PLXNA4: variants seen among roughly 807,000 people sequenced by gnomAD.
PLXNA4 encodes plexin A4, also known as plexin-A4.
PLXNA4 carries 44 observed loss-of-function variants against 191.8 expected under a neutral mutation model. The observed-to-expected ratio is 0.23, with a 90% CI of 0.18 to 0.29. The LOEUF is 0.29. PLXNA4 is among the 10% of genes least tolerant of loss of function. PLXNA4 has a pLI of 1.00. For missense variants in PLXNA4, 1,800 were observed against 2,488.8 expected (o/e 0.72, Z 5.89); for synonymous variants, 1,082 against 1,009.5 (o/e 1.07, Z -1.36).
intron 9 of PLXNA4, among the ~76,000 whole-genome samples, chr7:132,222,026 C>G (rs1431673364): frequency 5.9e-5 from 9 of 152,160 alleles, no homozygotes; most frequent in African/African-American, 2.2e-4. Flanking sequence ...TCCAAAGGCC[C>G]CAAGTCATTT....
chr7:132,257,301 C>T (rs897409169), intron 4 of PLXNA4, among the ~76,000 whole-genome samples: 4 of 152,204 alleles, frequency 2.6e-5, no homozygotes, highest in Non-Finnish European at 4.4e-5. Flanking sequence ...AATTTCCATT[C>T]AAATATATCT....
At chr7:132,474,685 G>A (rs1797062035) in intron 3 of PLXNA4, among the ~76,000 whole-genome samples, 3 of 152,130 alleles carry the variant, frequency 2.0e-5, no homozygotes, top group African/African-American at 4.8e-5. Flanking sequence ...GAACTGGTTA[G>A]TGCATCTATT....
upstream of PLXNA4, chr7:132,576,663 C>G (rs1485157375): frequency 1.1e-6 from 1 of 925,422 alleles, no homozygotes; most frequent in African/African-American, 1.8e-5. The surrounding 1 kb of genome is among the most constrained non-coding windows in gnomAD (Gnocchi z 5.8). Flanking sequence ...TTGCGGCGTC[C>G]AAGGTGGGCG....
chr7:132,143,284 A>T (rs1041434863), intron 29 of PLXNA4, among the ~76,000 whole-genome samples: 1 of 152,176 alleles, frequency 6.6e-6, no homozygotes, highest in Admixed American at 6.5e-5. Context: ...GGTTGGGGGA[A>T]ACTGTCTACT....
chr7:132,138,572 C>T (rs1490196999), intron 30 of PLXNA4, among the ~76,000 whole-genome samples: 1 of 152,228 alleles, frequency 6.6e-6, no homozygotes, highest in Non-Finnish European at 1.5e-5. Context: ...TTTTCTCGAT[C>T]TATCTGTCTT....
chr7:132,401,090 T>G (rs954057972), intron 3 of PLXNA4, among the ~76,000 whole-genome samples: 2 of 152,092 alleles, frequency 1.3e-5, no homozygotes, highest in African/African-American at 4.8e-5. Flanking sequence ...TATCTACACA[T>G]GTGATAAAAT....
At chr7:132,162,692 G>A (rs932478509) in intron 24 of PLXNA4, among the ~76,000 whole-genome samples, 1 of 152,032 alleles carries the variant, frequency 6.6e-6, no homozygotes. Flanking sequence ...CTCCTTCCAA[G>A]CAGACGGTAA....
At chr7:132,613,830 T>C (rs534719131) in intron 2 of PLXNA4, among the ~76,000 whole-genome samples, 3 of 151,900 alleles carry the variant, frequency 2.0e-5, no homozygotes, top group Non-Finnish European at 4.4e-5. Flanking sequence ...CTGCTAGGAG[T>C]GTATTTTTAA....
At chr7:132,403,188 C>T (rs1794067007) in intron 3 of PLXNA4, among the ~76,000 whole-genome samples, 1 of 152,212 alleles carries the variant, frequency 6.6e-6, no homozygotes. Flanking sequence ...CGGCCCCAGA[C>T]TCAGAGGCCC....
intron 1 of PLXNA4, among the ~76,000 whole-genome samples, chr7:132,537,273 C>G (rs868590161): frequency 6.6e-6 from 1 of 152,218 alleles, no homozygotes; most frequent in Admixed American, 6.5e-5. Context: ...ACCAGACTCC[C>G]CTCTAAGGCA....
chr7:132,378,688 G>GAATGAT (rs1804761937), intron 3 of PLXNA4, among the ~76,000 whole-genome samples: 1 of 152,100 alleles, frequency 6.6e-6, no homozygotes, highest in Non-Finnish European at 1.5e-5. Context: ...AAGAGAATGA[G>GAATGAT]AATGATAATG....
chr7:132,183,981 C>A (rs1796795634), intron 16 of PLXNA4, among the ~76,000 whole-genome samples: 1 of 152,226 alleles, frequency 6.6e-6, no homozygotes, highest in Admixed American at 6.5e-5. Flanking sequence ...TACGAGTGAG[C>A]ATGGCTGTGC....
At chr7:132,334,259 T>C (rs1362191096) in intron 3 of PLXNA4, among the ~76,000 whole-genome samples, 137 of 138,758 alleles carry the variant, frequency 9.9e-4, no homozygotes, top group Non-Finnish European at 1.6e-3. Flanking sequence ...TTTCTTTTTT[T>C]TTTTTTTTTT....
intron 1 of PLXNA4, among the ~76,000 whole-genome samples, chr7:132,571,184 C>A (rs1801963699): frequency 6.6e-6 from 1 of 152,200 alleles, no homozygotes; most frequent in South Asian, 2.1e-4. Flanking sequence ...TTAGCCCTGG[C>A]TTTGGAGTGG....
intron 3 of PLXNA4, among the ~76,000 whole-genome samples, chr7:132,377,142 G>A (rs1334121372): frequency 1.3e-5 from 2 of 152,136 alleles, no homozygotes; most frequent in East Asian, 3.9e-4. Context: ...TTTAGGAAAA[G>A]CCAGAGAATA....
chr7:132,430,188 A>G (rs1049668449), intron 3 of PLXNA4, among the ~76,000 whole-genome samples: 3 of 152,132 alleles, frequency 2.0e-5, no homozygotes, highest in African/African-American at 7.2e-5. Flanking sequence ...AAACCAGCAT[A>G]TTGAGTGAAT....
chr7:132,414,040 T>C (rs1339077997), intron 3 of PLXNA4, among the ~76,000 whole-genome samples: 1 of 152,238 alleles, frequency 6.6e-6, no homozygotes, highest in East Asian at 1.9e-4. Context: ...TAGACACGAC[T>C]ACACATATCT....
intron 4 of PLXNA4, among the ~76,000 whole-genome samples, chr7:132,244,142 C>T (rs10260191): frequency 0.41 from 63,004 of 151,990 alleles, 13,689 homozygotes; most frequent in East Asian, 0.68. Flanking sequence ...GTTCCAGCCA[C>T]AGCTCTGCCC....
At chr7:132,347,934 A>G (rs538941860) in intron 3 of PLXNA4, among the ~76,000 whole-genome samples, 1 of 152,258 alleles carries the variant, frequency 6.6e-6, no homozygotes, top group East Asian at 1.9e-4. Context: ...CATGGGCACT[A>G]TGGTTTGAGC....
Sources: allele counts gnomAD v4.1 joint callset (sites outside exome capture counted in the v4.1 genomes callset), GRCh38; gene constraint gnomAD v4.1.1; non-coding constraint Gnocchi (gnomAD v3.1); transcripts MANE v1.5; gene names NCBI Gene and HGNC (gene_info 2026-07-23, HGNC 2026-07-21).